Variants in RBL1 observed in about 807,000 individuals in gnomAD.
RBL1 encodes retinoblastoma-like protein 1.
Under a neutral mutation model 123.0 loss-of-function variants are expected in RBL1, and 82 were observed. The ratio of observed to expected loss-of-function variants is 0.67; its 90% confidence interval spans 0.56 to 0.80. The LOEUF (loss-of-function observed/expected upper bound fraction) is 0.80. Ranked by LOEUF, RBL1 falls within the 30% of genes least tolerant of loss-of-function variation. The pLI is 0.00. For missense variants in RBL1, 1,171 were observed against 1,299.6 expected (o/e 0.90, Z 1.52); for synonymous variants, 405 against 441.3 (o/e 0.92, Z 1.03).
chr20:37,084,204 A>C (rs1428189239), intron 2 of RBL1, among the ~76,000 whole-genome samples: 2 of 152,088 alleles, frequency 1.3e-5, no homozygotes, highest in African/African-American at 4.8e-5. Flanking sequence ...CTGACCAAAA[A>C]AGATACATCT....
intron 12 of RBL1, among the ~76,000 whole-genome samples, chr20:37,044,527 C>T (rs1259054704): frequency 2.0e-5 from 3 of 151,984 alleles, no homozygotes; most frequent in African/African-American, 7.3e-5. Flanking sequence ...TTAGTAGAGC[C>T]GAGGTTTCAC....
intron 21 of RBL1, among the ~76,000 whole-genome samples, chr20:36,999,543 C>T (rs904097756): frequency 6.6e-6 from 1 of 152,028 alleles, no homozygotes; most frequent in African/African-American, 2.4e-5. Flanking sequence ...TGATGCCGAG[C>T]CAAAGCTGGA....
At chr20:37,015,645 T>C (rs1417948901) in intron 19 of RBL1, among the ~76,000 whole-genome samples, 1 of 152,160 alleles carries the variant, frequency 6.6e-6, no homozygotes, top group Non-Finnish European at 1.5e-5. Flanking sequence ...TTAGCCAGGA[T>C]GGTCTGGATC....
At chr20:37,069,315 G>A (rs2065240184) in intron 2 of RBL1, among the ~76,000 whole-genome samples, 1 of 150,948 alleles carries the variant, frequency 6.6e-6, no homozygotes, top group African/African-American at 2.4e-5. Flanking sequence ...TGGGATGTGA[G>A]GAGCCCCTCT....
intron 15 of RBL1, among the ~76,000 whole-genome samples, chr20:37,034,911 C>T (rs1187019917): frequency 6.6e-6 from 1 of 151,834 alleles, no homozygotes; most frequent in East Asian, 1.9e-4. Flanking sequence ...AAGAGTGAAC[C>T]CTAATGTAAA....
At chr20:37,056,351 CTTTTTTTT>C (rs199931898) in intron 9 of RBL1, 93 bp from the exon 10 acceptor site, 5 of 972,084 alleles carry the variant, frequency 5.1e-6, no homozygotes, top group Non-Finnish European at 5.1e-6. Context: ...CCTTCTTCTT[CTTTTTTTT>C]TTTTTTTTTT....
rs1490076798 is a variant in RBL1, at chr20:37,047,428, AAAT to A, written c.1468-241_1468-239del. On this transcript the variant is annotated intron_variant, in intron 11 of 21. Transcript: ENST00000373664. ...TAACAATCTGCTTTGAAATCTGAACAAATAATAAAAGTCAGTATTCCCATCAAC... is the reference window on the plus strand; with the variant it reads ...TAACAATCTGCTTTGAAATCTGAACAAATAAAAGTCAGTATTCCCATCAAC... Among the ~76,000 whole-genome samples the A allele has an allele frequency of 3.9e-5, 6 of 152,318 alleles. No homozygotes were observed. The East Asian group carries it at 1.2e-3, about 29-fold the overall frequency.
At chr20:37,040,652 C>T (rs576224198) in intron 13 of RBL1, among the ~76,000 whole-genome samples, 3 of 152,016 alleles carry the variant, frequency 2.0e-5, no homozygotes, top group South Asian at 2.1e-4. Context: ...TGTGCCTGGC[C>T]GAAAAAGTGT....
intron 13 of RBL1, among the ~76,000 whole-genome samples, chr20:37,042,555 ACAT>A (rs1436203352): frequency 6.6e-6 from 1 of 152,154 alleles, no homozygotes; most frequent in Non-Finnish European, 1.5e-5. Context: ...AAACATATGT[ACAT>A]ATGTTCACAC....
chr20:37,090,667 C>T lies in RBL1; in HGVS notation c.157-1545G>A, dbSNP rs542788407. Among the ~76,000 whole-genome samples, 10 of 152,242 alleles carry T rather than the reference C, an allele frequency of 6.6e-5. No homozygotes were observed. In the South Asian group the frequency reaches 2.1e-3, roughly 32 times the overall value. ...TGACAGGGATATATTCTGAGAAATG[C>T]AACATTAGGCAATTTTGTTGTGCAA... On this transcript the variant is annotated intron_variant, in intron 1 of 21. Coordinates refer to ENST00000373664, the MANE Select transcript of RBL1 (RefSeq NM_002895.5).
intron 11 of RBL1, among the ~76,000 whole-genome samples, chr20:37,047,971 C>A (rs1467407096): frequency 1.3e-5 from 2 of 152,064 alleles, no homozygotes; most frequent in East Asian, 3.8e-4. Context: ...CACAGCGAGA[C>A]TCAGTCTCAG....
intron 11 of RBL1, 34 bp downstream of exon 11, chr20:37,055,519 C>T: frequency 6.2e-7 from 1 of 1,613,418 alleles, no homozygotes; most frequent in Non-Finnish European, 8.5e-7. Flanking sequence ...GACTTTTGGA[C>T]CTTGCCAGTA....
chr20:37,056,878 T>C (rs1488326306), intron 9 of RBL1, among the ~76,000 whole-genome samples: 3 of 152,226 alleles, frequency 2.0e-5, no homozygotes, highest in South Asian at 2.1e-4. Context: ...CTTTTTGTGA[T>C]TGACTAACTT....
intron 7 of RBL1, among the ~76,000 whole-genome samples, chr20:37,064,931 CTTT>C (rs377383954): frequency 3.0e-5 from 4 of 133,608 alleles, no homozygotes; most frequent in Non-Finnish European, 3.2e-5. Flanking sequence ...CGGCCTCTTT[CTTT>C]TTTTTTTTTT....
In RBL1 at chr20:37,035,296, C is replaced by T. The variant is rs2064589289; in HGVS notation, c.2116G>A (p.Ala706Thr). The change falls in exon 15 of 22, where the codon GCC (alanine) becomes ACC (threonine). Residue 706 changes from alanine (A) to threonine (T), a missense_variant. Physicochemically the swap from Ala to Thr is moderately conservative, Grantham distance 58. Transcript: ENST00000373664. ...ILPGQTLLTMATAPVTGTTGH... is the reference protein window; with the variant it reads ...ILPGQTLLTMTTAPVTGTTGH... The stretch of plus-strand genomic sequence containing the variant: ...GTTGTTCCTGTTACTGGGGCTGTGG[C>T]CATTGTTAGAAGAGTTTGACCAGGT... The T allele has an allele frequency of 6.2e-7, 1 of 1,613,694 alleles. No individual in the cohort carries two copies. Among genetic ancestry groups the T allele is most frequent in the African/African-American group, 1.3e-5 (1 of 74,878 alleles).
At position 37,061,289 on chromosome 20, in the gene RBL1, CG is replaced by C. The variant is rs770108340; in HGVS notation, c.1084-21del. The C allele has an allele frequency of 2.5e-6, 4 of 1,602,836 alleles. No individual in the cohort carries two copies. Among genetic ancestry groups the C allele is most frequent in the African/African-American group, 2.7e-5 (2 of 74,680 alleles). Reference sequence around the variant, plus strand: ...CCTTTTCTGTCAGAAAAGAAAAATCCGTGAGTTTTTAAAAGTTACCATCTTC... The same window carrying C: ...CCTTTTCTGTCAGAAAAGAAAAATCCTGAGTTTTTAAAAGTTACCATCTTC... On this transcript the variant is annotated intron_variant, in intron 8 of 21. Transcript: ENST00000373664.
rs3790153 is a variant in RBL1 at position 37,059,586 on chromosome 20, T to C, written c.1250+1517A>G. 7.3e-3 allele frequency among the ~76,000 whole-genome samples: 1,110 copies of C among 152,274 alleles called. 29 individuals are homozygous for C. In the East Asian group the frequency reaches 0.11, roughly 15 times the overall value. ...TCCCCCATTTGTTTCCCTCCAAATC[T>C]GAAGTATTGATGAGAATTCTCAAGA... On this transcript the variant is annotated intron_variant, in intron 9 of 21. Transcript: ENST00000373664.
intron 2 of RBL1, among the ~76,000 whole-genome samples, chr20:37,083,194 G>A (rs999892891): frequency 5.3e-5 from 8 of 152,058 alleles, no homozygotes; most frequent in African/African-American, 1.2e-4. Flanking sequence ...AAGGCTGGGC[G>A]CGGTGGCTCA....
intron 1 of RBL1, among the ~76,000 whole-genome samples, chr20:37,092,658 C>A (rs7263281): frequency 0.01 from 1,575 of 152,046 alleles, 24 homozygotes; most frequent in African/African-American, 0.036. Context: ...CCATGCCCAG[C>A]CTATTTTATT....
Sources: gnomAD v4.1 joint callset for allele counts (sites outside exome capture counted in the v4.1 genomes callset) on GRCh38, gnomAD v4.1.1 for gene constraint, MANE v1.5 for transcripts, NCBI Gene and HGNC (gene_info 2026-07-23, HGNC 2026-07-21) for gene names.